The following STPG2 variants were observed in gnomAD, a reference collection of about 807,000 sequenced individuals.
STPG2 encodes the protein sperm tail PG-rich repeat containing 2.
STPG2 carries 56 observed loss-of-function variants against 54.2 expected under a neutral mutation model. The observed-to-expected ratio is 1.03, with a 90% CI of 0.83 to 1.29. The LOEUF (loss-of-function observed/expected upper bound fraction) is 1.29. Ranked by LOEUF, STPG2 falls within the 50% of genes most tolerant of loss-of-function variation. The pLI, the probability that STPG2 is intolerant of heterozygous loss-of-function variation, is 0.00. For missense variants in STPG2, 596 were observed against 544.9 expected, an observed-to-expected ratio of 1.09 and a Z score of -0.93; for synonymous variants, 200 against 181.8, an observed-to-expected ratio of 1.10 and a Z score of -0.81.
chr4:97,557,458 A>T (rs1488200087), downstream of STPG2, among the ~76,000 whole-genome samples: 1 of 152,220 alleles, frequency 6.6e-6, no homozygotes, highest in Non-Finnish European at 1.5e-5. Context: ...GTAGCATACA[A>T]AATAGTGAAA....
chr4:97,591,815 C>T (rs995532912), intron 10 of STPG2, among the ~76,000 whole-genome samples: 3 of 152,136 alleles, frequency 2.0e-5, no homozygotes, highest in Admixed American at 6.5e-5. Context: ...AAAATGCCTT[C>T]TCAGAGGAGG....
intron 9 of STPG2, among the ~76,000 whole-genome samples, chr4:97,797,053 GC>G (rs1238679779): frequency 6.6e-6 from 1 of 152,192 alleles, no homozygotes; most frequent in East Asian, 1.9e-4. Flanking sequence ...CTGAGACTTT[GC>G]TGAAGTTGCT....
intron 5 of STPG2, among the ~76,000 whole-genome samples, chr4:98,034,330 A>C (rs979863150): frequency 1.3e-5 from 2 of 152,236 alleles, no homozygotes; most frequent in African/African-American, 4.8e-5. Flanking sequence ...CCAAATCAGG[A>C]GTGAACTCCC....
rs1169250681 is a variant in STPG2, at chr4:97,459,430, G to GT, written c.462+253268dup. On this transcript the variant is annotated intron_variant, in intron 4 of 4. Coordinates refer to the STPG2 transcript ENST00000522676. ...GTATCATGCAATTCAAAGGATGCCT[G>GT]TTTTTTTTTGTTTTTTTTTTTTTTT... is the stretch of plus-strand genomic sequence containing the variant. 2.2e-3 allele frequency among the ~76,000 whole-genome samples: 299 copies of GT among 134,840 alleles called. 1 individual carries two copies. The highest frequency in any genetic ancestry group is 4.9e-3 in the Admixed American group (66 of 13,574). The allele number at this position is 134,840 out of a possible 152,430, so 88.5% of individuals were successfully genotyped here.
At chr4:97,766,601 T>C (rs1450056770) in intron 9 of STPG2, among the ~76,000 whole-genome samples, 1 of 152,028 alleles carries the variant, frequency 6.6e-6, no homozygotes, top group Admixed American at 6.5e-5. Context: ...TTCCACCCAA[T>C]ATAGGATTTG....
intron 4 of STPG2, among the ~76,000 whole-genome samples, chr4:97,465,526 A>G (rs1022796636): frequency 1.3e-5 from 2 of 152,022 alleles, no homozygotes; most frequent in Non-Finnish European, 2.9e-5. Flanking sequence ...TGAATCATAT[A>G]TTTCATAAAC....
intron 8 of STPG2, among the ~76,000 whole-genome samples, chr4:97,860,715 A>G (rs1729501297): frequency 6.6e-6 from 1 of 152,110 alleles, no homozygotes; most frequent in African/African-American, 2.4e-5. Context: ...TGACCGTATC[A>G]TCAGCAAACA....
At chr4:97,497,772 T>A (rs1239159163) in intron 4 of STPG2, among the ~76,000 whole-genome samples, 1 of 151,864 alleles carries the variant, frequency 6.6e-6, no homozygotes, top group Admixed American at 6.6e-5. Context: ...GATTTCAAAA[T>A]ATTAATAAGG....
At chr4:97,798,489 G>A (rs28765112) in intron 9 of STPG2, among the ~76,000 whole-genome samples, 48 of 152,172 alleles carry the variant, frequency 3.2e-4, no homozygotes, top group Admixed American at 1.2e-3. Flanking sequence ...GCAGTTGAGC[G>A]GTTTTCAGTG....
At chr4:97,971,718 A>C (rs895130087) in intron 7 of STPG2, among the ~76,000 whole-genome samples, 9 of 152,176 alleles carry the variant, frequency 5.9e-5, no homozygotes, top group African/African-American at 2.2e-4. Context: ...TGATGGGTGC[A>C]GGAAACCAAC....
chr4:97,609,768 T>C (rs1733688148), intron 10 of STPG2, among the ~76,000 whole-genome samples: 1 of 152,012 alleles, frequency 6.6e-6, no homozygotes, highest in South Asian at 2.1e-4. Flanking sequence ...ATCACAAATA[T>C]AATTCAGATT....
At chr4:97,735,391 A>G (rs537003485) in intron 9 of STPG2, among the ~76,000 whole-genome samples, 1 of 151,530 alleles carries the variant, frequency 6.6e-6, no homozygotes, top group Admixed American at 6.6e-5. Context: ...TGTACTTTAG[A>G]GACTCAGAAG....
intron 10 of STPG2, among the ~76,000 whole-genome samples, chr4:97,608,347 T>A (rs528032580): frequency 9.2e-5 from 14 of 151,992 alleles, no homozygotes; most frequent in African/African-American, 2.9e-4. Flanking sequence ...TAAAAAAAAA[T>A]TTGGCCATCA....
At position 97,471,563 on chromosome 4, in the gene STPG2, C is replaced by G. The variant is rs1387563598; in HGVS notation, c.462+241136G>C. On this transcript the variant is annotated intron_variant, in intron 4 of 4. Transcript: ENST00000522676. ...AATACTGAAATACTTCTCTGGAGAT[C>G]CATAGATATTCTGAGAAGGTGCCTG... Among the ~76,000 whole-genome samples, 5 of 152,150 alleles carry G rather than the reference C, an allele frequency of 3.3e-5. No individual in the cohort carries two copies. In the East Asian group the frequency reaches 9.7e-4, roughly 29 times the overall value.
intron 9 of STPG2, among the ~76,000 whole-genome samples, chr4:97,798,119 T>G (rs568705692): frequency 2.7e-4 from 41 of 152,288 alleles, no homozygotes; most frequent in Admixed American, 1.0e-3. Flanking sequence ...TTTCTTGATC[T>G]TTTCAAAAAA....
At chr4:97,763,083 C>T (rs914759516) in intron 9 of STPG2, among the ~76,000 whole-genome samples, 8 of 152,028 alleles carry the variant, frequency 5.3e-5, no homozygotes, top group Admixed American at 4.6e-4. Flanking sequence ...AGTGCTGATA[C>T]TCTACTATAA....
chr4:98,072,804 C>T (rs1249799453), intron 5 of STPG2, among the ~76,000 whole-genome samples: 1 of 152,108 alleles, frequency 6.6e-6, no homozygotes. Flanking sequence ...TCCTTATCAG[C>T]CAAATCTGTG....
intron 10 of STPG2, among the ~76,000 whole-genome samples, chr4:97,698,831 G>A (rs1462057469): frequency 6.6e-6 from 1 of 152,154 alleles, no homozygotes; most frequent in Non-Finnish European, 1.5e-5. Context: ...CAGGATGATG[G>A]GGAACATGGT....
intron 9 of STPG2, among the ~76,000 whole-genome samples, chr4:97,777,478 C>T (rs142989957): frequency 6.6e-6 from 1 of 152,182 alleles, no homozygotes; most frequent in African/African-American, 2.4e-5. Context: ...AGACTCTATG[C>T]TATAAGAAAA....
Sources: allele counts gnomAD v4.1 joint callset (sites outside exome capture counted in the v4.1 genomes callset), GRCh38; gene constraint gnomAD v4.1.1; transcripts MANE v1.5; gene names NCBI Gene and HGNC (gene_info 2026-07-23, HGNC 2026-07-21).